The following DENND4C variants were observed in gnomAD, a reference collection of about 807,000 sequenced individuals.
DENND4C encodes the protein DENN domain-containing protein 4C.
In DENND4C, 108 loss-of-function variants were observed where a neutral mutation model predicts 203.0. The observed-to-expected ratio is 0.53, with a 90% CI of 0.46 to 0.62. The LOEUF (loss-of-function observed/expected upper bound fraction) is 0.62. Ranked by LOEUF, DENND4C falls within the 20% of genes least tolerant of loss-of-function variation. The pLI, the probability that DENND4C is intolerant of heterozygous loss-of-function variation, is 0.00. For synonymous variants in DENND4C, 871 were observed against 792.4 expected, an observed-to-expected ratio of 1.10 and a Z score of -1.67; for missense variants, 2,481 against 2,301.2, an observed-to-expected ratio of 1.08 and a Z score of -1.60.
intron 1 of DENND4C, among the ~76,000 whole-genome samples, chr9:19,268,711 T>TA (rs1831017355): frequency 1.3e-5 from 2 of 151,726 alleles, no homozygotes; most frequent in African/African-American, 4.8e-5. Flanking sequence ...ATACTGAAAA[T>TA]ACAGGATAAA....
Position 19,262,076 on chromosome 9 carries a change from C to CTTTTTT in DENND4C, c.-17-14058_-17-14053dup, listed in dbSNP as rs60223074. 9.0e-5 allele frequency among the ~76,000 whole-genome samples: 5 copies of CTTTTTT among 55,526 alleles called. 1 individual carries two copies. Among genetic ancestry groups the CTTTTTT allele is most frequent in the Non-Finnish European group, 1.4e-4 (4 of 29,098 alleles). The allele number at this position is 55,526 out of a possible 152,430, so 36.4% of individuals were successfully genotyped here. ...TGAAACTTTAGTGAATTTATTAGTTCTTTTTTTTTTTTTTTTTTTTTTTTT... is the reference window on the plus strand; with the variant it reads ...TGAAACTTTAGTGAATTTATTAGTTCTTTTTTTTTTTTTTTTTTTTTTTTTTTTTTT... On this transcript the variant is annotated intron_variant, in intron 1 of 32. Transcript: ENST00000434457.
At position 19,346,907 on chromosome 9, in the gene DENND4C, C is replaced by T. The variant is rs147357144; in HGVS notation, c.4138C>T (p.Arg1380Cys). 9.3e-6 allele frequency: 15 copies of T among 1,614,070 alleles called. No individual in the cohort carries two copies. The highest frequency in any genetic ancestry group is 3.3e-5 in the Admixed American group (2 of 60,002). ...TTCAACTTCTTTGTCAGCACTGGTG[C>T]GTTCTTCGCCACATGGCTCGTTGGG... ...ERSTSLSALV[R>C]SSPHGSLGSV... Residue 1380 changes from arginine to cysteine, a missense_variant, in exon 23 of 33, where the codon CGT becomes TGT. Transcript: ENST00000434457.
intron 10 of DENND4C, among the ~76,000 whole-genome samples, chr9:19,307,466 A>T (rs1212191340): frequency 6.6e-6 from 1 of 151,260 alleles, no homozygotes; most frequent in Non-Finnish European, 1.5e-5. Flanking sequence ...GTATCTATTC[A>T]CCACAACTTT....
chr9:19,276,016 C>T (rs1832841273), intron 1 of DENND4C, 142 bp from the exon 2 acceptor site: 2 of 421,652 alleles, frequency 4.7e-6, no homozygotes, highest in East Asian at 3.6e-5. Flanking sequence ...ATGATAAAAG[C>T]AGGCTTCTTC....
chr9:19,315,092 G>A (rs147973951), intron 10 of DENND4C, among the ~76,000 whole-genome samples: 5 of 149,794 alleles, frequency 3.3e-5, no homozygotes, highest in South Asian at 2.1e-4. Context: ...CCTGGAATGC[G>A]GAGGTTGCAG....
At chr9:19,336,455 T>A (rs761574705) in intron 19 of DENND4C, 41 bp downstream of exon 19, 2 of 1,586,986 alleles carry the variant, frequency 1.3e-6, no homozygotes, top group South Asian at 2.3e-5. Context: ...TACTGAACCA[T>A]GAGCTTTATA....
At chr9:19,235,247 G>T (rs1057346135) in intron 1 of DENND4C, among the ~76,000 whole-genome samples, 1 of 152,310 alleles carries the variant, frequency 6.6e-6, no homozygotes, top group South Asian at 2.1e-4. Context: ...TTACAGGCGT[G>T]AGCCACCACG....
chr9:19,352,036 CCTTA>C (rs750100413), intron 24 of DENND4C, 33 bp from the exon 25 acceptor site: 66 of 1,557,462 alleles, frequency 4.2e-5, no homozygotes, highest in Non-Finnish European at 5.4e-5. Flanking sequence ...CAAGGACATT[CCTTA>C]CTTAAGGTAT....
chr9:19,342,152 A>G (rs954837353), intron 21 of DENND4C, among the ~76,000 whole-genome samples: 4 of 148,318 alleles, frequency 2.7e-5, no homozygotes, highest in Admixed American at 6.7e-5. Context: ...AAAAAAGTCT[A>G]TGTGGTTTTT....
chr9:19,355,834 CTT>C (rs1825268231), intron 26 of DENND4C, among the ~76,000 whole-genome samples: 1 of 152,024 alleles, frequency 6.6e-6, no homozygotes, highest in Non-Finnish European at 1.5e-5. Flanking sequence ...GGAAAATTGA[CTT>C]TTCTATTATT....
chr9:19,361,819 C>G (rs777119050), intron 29 of DENND4C, 27 bp from the exon 30 acceptor site: 2 of 1,350,558 alleles, frequency 1.5e-6, no homozygotes, highest in Non-Finnish European at 2.1e-6. Flanking sequence ...TCTCGGGATA[C>G]TAATACTTTC....
At chr9:19,251,145 T>A (rs574476192) in intron 1 of DENND4C, among the ~76,000 whole-genome samples, 2 of 152,242 alleles carry the variant, frequency 1.3e-5, no homozygotes, top group Non-Finnish European at 2.9e-5. Context: ...TCCAGGCATT[T>A]CCATACATCC....
chr9:19,292,421 C>T (rs1836532091), intron 5 of DENND4C: 1 of 151,792 alleles, frequency 6.6e-6, no homozygotes, highest in South Asian at 2.1e-4. Context: ...TTATGTAAAA[C>T]ATATATTGTA....
At chr9:19,357,268 TACATCTTAACTTATTACC>T in intron 27 of DENND4C, 114 bp downstream of exon 27, 1 of 991,360 alleles carries the variant, frequency 1.0e-6, no homozygotes, top group South Asian at 1.5e-5. Flanking sequence ...CATTTAAGAG[TACATCTTAACTTATTACC>T]ACATAGTGTT....
intron 16 of DENND4C, among the ~76,000 whole-genome samples, chr9:19,328,668 T>C (rs1195391410): frequency 4.2e-5 from 6 of 143,572 alleles, no homozygotes; most frequent in African/African-American, 1.7e-4. Context: ...TCTATCTATC[T>C]ATCTATCTAT....
chr9:19,291,480 G>C (rs1836280847), intron 5 of DENND4C: 1 of 152,576 alleles, frequency 6.6e-6, no homozygotes, highest in Non-Finnish European at 1.5e-5. Context: ...GAGACAGGTG[G>C]ATCACTTCAG....
intron 22 of DENND4C, among the ~76,000 whole-genome samples, chr9:19,344,709 C>T (rs1486053500): frequency 6.6e-6 from 1 of 152,108 alleles, no homozygotes; most frequent in African/African-American, 2.4e-5. Flanking sequence ...CTCCATGTTG[C>T]CCAGGCTGGT....
rs1248525954 is a variant in DENND4C, at chr9:19,337,633, C to T, written c.2881+801C>T. The stretch of plus-strand genomic sequence containing the variant: ...TATATGACGTGAAGCTATGGATACA[C>T]GTGTGCATTAATTCTACCCTTGAAT... On this transcript the variant is annotated intron_variant, in intron 20 of 32. Coordinates refer to ENST00000434457, the MANE Select transcript of DENND4C (RefSeq NM_001330640.2). 5 of 1,287,702 alleles carry T rather than the reference C, an allele frequency of 3.9e-6. No homozygotes were observed. In the Admixed American group the frequency reaches 1.2e-4, roughly 30 times the overall value. 79.8% of individuals were successfully genotyped at this position (1,287,702 alleles called of 1,614,324 possible). A position where few individuals can be genotyped will look rare whatever the true frequency, so the allele number is the denominator to read the frequency against.
chr9:19,317,023 TC>T (rs1469560190), intron 12 of DENND4C, among the ~76,000 whole-genome samples, 184 bp downstream of exon 12: 1 of 152,128 alleles, frequency 6.6e-6, no homozygotes, highest in Non-Finnish European at 1.5e-5. Flanking sequence ...AGCCCATTTT[TC>T]TCCTGAGAAA....
Sources: allele counts gnomAD v4.1 joint callset (sites outside exome capture counted in the v4.1 genomes callset), GRCh38; gene constraint gnomAD v4.1.1; transcripts MANE v1.5; gene names NCBI Gene and HGNC (gene_info 2026-07-23, HGNC 2026-07-21).